A3GALT2: variants seen among roughly 807,000 people sequenced by gnomAD.
The protein encoded by A3GALT2 is alpha-1,3-galactosyltransferase 2.
A3GALT2 carries 14 observed loss-of-function variants against 16.6 expected under a neutral mutation model. The ratio of observed to expected loss-of-function variants is 0.84; its 90% CI spans 0.56 to 1.32. A3GALT2 has a LOEUF of 1.32. A3GALT2 is among the 40% of genes most tolerant of loss of function. A3GALT2 has a pLI of 0.00. For synonymous variants in A3GALT2, 253 were observed against 218.0 expected (o/e 1.16, Z -1.42); for missense variants, 600 against 490.9 (o/e 1.22, Z -2.10).
At chr1:33,318,577 A>G (rs965922490) in intron 1 of A3GALT2, among the ~76,000 whole-genome samples, 5 of 152,022 alleles carry the variant, frequency 3.3e-5, no homozygotes, top group Admixed American at 1.3e-4. Flanking sequence ...GGATTCCTAT[A>G]ACAGCCTCCT....
At chr1:33,317,475 G>A (rs1317263636) in intron 1 of A3GALT2, among the ~76,000 whole-genome samples, 2 of 152,100 alleles carry the variant, frequency 1.3e-5, no homozygotes, top group Non-Finnish European at 2.9e-5. Context: ...TTATTTTGTG[G>A]TTTCCTGCTG....
rs768188872 is a variant in A3GALT2, at chr1:33,307,233, C to T, written c.556G>A (p.Gly186Arg). The change falls in exon 5 of 5, where the codon GGG (glycine) becomes AGG (arginine). Residue 186 changes from glycine (G) to arginine (R), a missense_variant. Physicochemically the swap from Gly to Arg is moderately radical, Grantham distance 125. Coordinates refer to ENST00000442999, the MANE Select transcript of A3GALT2 (RefSeq NM_001080438.1). ...RMRTLHAALG[G>R]LPGREAHFMF... ...AAGTGCGCCTCGCGGCCCGGCAGCC[C>T]GCCCAGCGCCGCGTGCAACGTGCGC... The T allele has an allele frequency of 2.7e-6, 4 of 1,485,646 alleles. No individual in the cohort carries two copies. The highest frequency in any genetic ancestry group is 2.7e-6 in the Non-Finnish European group (3 of 1,118,654). 92.0% of individuals were successfully genotyped at this position (1,485,646 alleles called of 1,614,324 possible). A position where few individuals can be genotyped will look rare whatever the true frequency, so the allele number is the denominator to read the frequency against.
chr1:33,316,066 C>T (rs951366678), intron 1 of A3GALT2, among the ~76,000 whole-genome samples: 5 of 152,066 alleles, frequency 3.3e-5, no homozygotes, highest in African/African-American at 9.7e-5. Flanking sequence ...CCTGAGCCTT[C>T]GTAGATGAGG....
At chr1:33,312,294 C>G in intron 3 of A3GALT2, 105 bp from the exon 4 acceptor site, 1 of 1,493,206 alleles carries the variant, frequency 6.7e-7, no homozygotes, top group East Asian at 2.3e-5. Flanking sequence ...ACCCATAGAC[C>G]GATGAGACCT....
rs376190499 is a variant in A3GALT2 at position 33,307,418 on chromosome 1, G to T, written c.371C>A (p.Thr124Lys). 7.8e-5 allele frequency: 121 copies of T among 1,547,620 alleles called. No individual in the cohort carries two copies. In the African/African-American group the frequency reaches 1.4e-3, roughly 18 times the overall value. Residue 124 changes from threonine (T) to lysine (K), a missense_variant, in exon 5 of 5, where the codon ACG becomes AAG. Physicochemically the swap from Thr to Lys is moderately conservative, Grantham distance 78. Coordinates refer to ENST00000442999, the MANE Select transcript of A3GALT2 (RefSeq NM_001080438.1). ...GCCCGCCATGAAGTGCTGCTCCGCCGTCTCCAGGAAGCGCTCCAGGTACTT... is the reference window on the plus strand; with the variant it reads ...GCCCGCCATGAAGTGCTGCTCCGCCTTCTCCAGGAAGCGCTCCAGGTACTT... Reference protein sequence around the residue: ...LEKYLERFLETAEQHFMAGQS... With the variant: ...LEKYLERFLEKAEQHFMAGQS...
intron 1 of A3GALT2, among the ~76,000 whole-genome samples, chr1:33,317,137 C>T (rs1325863788): frequency 6.6e-6 from 1 of 152,032 alleles, no homozygotes; most frequent in East Asian, 1.9e-4. Context: ...ATCTCAGCTC[C>T]TCAAATATAA....
Position 33,307,342 on chromosome 1 carries a change from G to C in A3GALT2, c.447C>G (p.Arg149=), listed in dbSNP as rs1646200054. ...VFTELPGAVP[R]VALGPGRRLP... is the part of the protein sequence containing the mutation. ...GCCGGCGTCCCGGGCCCAGCGCCACGCGGGGCACCGCTCCCGGAAGCTCGG... is the reference window on the plus strand; with the variant it reads ...GCCGGCGTCCCGGGCCCAGCGCCACCCGGGGCACCGCTCCCGGAAGCTCGG... Residue 149 remains arginine, a synonymous_variant, in exon 5 of 5, where the codon CGC becomes CGG. Transcript: ENST00000442999. 1.3e-6 allele frequency: 2 copies of C among 1,539,184 alleles called. No individual in the cohort carries two copies. Among genetic ancestry groups the C allele is most frequent in the African/African-American group, 1.4e-5 (1 of 69,844 alleles).
In A3GALT2 at chr1:33,307,235, C is replaced by T; in HGVS notation, c.554G>A (p.Gly185Asp). 1 of 1,486,768 alleles carries T rather than the reference C, an allele frequency of 6.7e-7. No individual in the cohort carries two copies. The highest frequency in any genetic ancestry group is 1.3e-5 in the South Asian group (1 of 78,516). 92.1% of individuals were successfully genotyped at this position (1,486,768 alleles called of 1,614,324 possible). A position where few individuals can be genotyped will look rare whatever the true frequency, so the allele number is the denominator to read the frequency against. Residue 185 changes from glycine to aspartate, a missense_variant, in exon 5 of 5, where the codon GGC becomes GAC. Gly to Asp is a moderately conservative substitution (Grantham distance 94, BLOSUM62 -1). Transcript: ENST00000442999. ...GTGCGCCTCGCGGCCCGGCAGCCCGCCCAGCGCCGCGTGCAACGTGCGCAT... is the reference window on the plus strand; with the variant it reads ...GTGCGCCTCGCGGCCCGGCAGCCCGTCCAGCGCCGCGTGCAACGTGCGCAT... The part of the protein sequence containing the change: ...ARMRTLHAAL[G>D]GLPGREAHFM...
At position 33,312,823 on chromosome 1, in the gene A3GALT2, C is replaced by T; in HGVS notation, c.91G>A (p.Gly31Ser). 6.2e-7 allele frequency: 1 copy of T among 1,602,700 alleles called. No individual in the cohort carries two copies. Among genetic ancestry groups the T allele is most frequent in the Non-Finnish European group, 8.5e-7 (1 of 1,174,634 alleles). Residue 31 changes from glycine to serine, a missense_variant, in exon 2 of 5, where the codon GGC becomes AGC. Physicochemically the swap from Gly to Ser is moderately conservative, Grantham distance 56 (BLOSUM62 0). Coordinates refer to ENST00000442999, the MANE Select transcript of A3GALT2 (RefSeq NM_001080438.1). ...GGCTTTTACCTGAATTTAGGGAGGC[C>T]ATACAGAAACAGGCCTAAGAGGCCA... ...TLGLLGLFLY[G>S]LPKFRHLEAL...
At position 33,306,916 on chromosome 1, in the gene A3GALT2, CTCG is replaced by C. The variant is rs1402999270; in HGVS notation, c.870_872del (p.Asp290del). ...GCCAGAAGAACTTGTTGAGGTGGCT[CTCG>C]TCGTGCCAGCGCGCCTCCAGGCCGC... On this transcript the variant is annotated inframe_deletion, in exon 5 of 5. Coordinates refer to ENST00000442999, the MANE Select transcript of A3GALT2 (RefSeq NM_001080438.1). 1.3e-6 allele frequency: 2 copies of C among 1,520,980 alleles called. No individual in the cohort carries two copies. The highest frequency in any genetic ancestry group is 1.2e-5 in the South Asian group (1 of 81,580). The allele number at this position is 1,520,980 out of a possible 1,614,324, so 94.2% of individuals were successfully genotyped here.
chr1:33,307,151 A>G lies in A3GALT2; in HGVS notation c.638T>C (p.Leu213Pro). 6.4e-7 allele frequency: 1 copy of G among 1,553,420 alleles called. No individual in the cohort carries two copies. Among genetic ancestry groups the G allele is most frequent in the Non-Finnish European group, 8.7e-7 (1 of 1,152,960 alleles). The part of the protein sequence containing the change: ...HFSGTFGPEA[L>P]AESVAQLHSW... ...GTGCAGCTGCGCCACCGACTCGGCCAGCGCCTCGGGCCCAAAAGTGCCGCT... is the reference window on the plus strand; with the variant it reads ...GTGCAGCTGCGCCACCGACTCGGCCGGCGCCTCGGGCCCAAAAGTGCCGCT... The change falls in exon 5 of 5, where the codon CTG (leucine) becomes CCG (proline). Residue 213 changes from leucine (L) to proline (P), a missense_variant. Physicochemically the swap from Leu to Pro is moderately conservative, Grantham distance 98. Coordinates refer to ENST00000442999, the MANE Select transcript of A3GALT2 (RefSeq NM_001080438.1).
chr1:33,313,178 T>TTG (rs1646244077), intron 1 of A3GALT2: 3 of 202,554 alleles, frequency 1.5e-5, no homozygotes, highest in African/African-American at 5.9e-5. Context: ...TGACGGAGTT[T>TTG]TTTTTTTTTT....
chr1:33,315,050 C>T (rs1479158289), intron 1 of A3GALT2, among the ~76,000 whole-genome samples: 2 of 151,756 alleles, frequency 1.3e-5, no homozygotes, highest in Admixed American at 1.3e-4. Context: ...AGTTCGAGAT[C>T]AGCCCGGGCA....
rs763959244 is a variant in A3GALT2 at position 33,307,147 on chromosome 1, G to A, written c.642C>T (p.Ala214=). 3 of 1,551,952 alleles carry A rather than the reference G, an allele frequency of 1.9e-6. No homozygotes were observed. Among genetic ancestry groups the A allele is most frequent in the South Asian group, 1.2e-5 (1 of 83,366 alleles). ...AGGAGTGCAGCTGCGCCACCGACTC[G>A]GCCAGCGCCTCGGGCCCAAAAGTGC... is the stretch of plus-strand genomic sequence containing the variant. The part of the protein sequence containing the change: ...FSGTFGPEAL[A]ESVAQLHSWH... Residue 214 remains alanine (A), a synonymous_variant, in exon 5 of 5, where the codon GCC becomes GCT. Coordinates refer to ENST00000442999, the MANE Select transcript of A3GALT2 (RefSeq NM_001080438.1).
intron 1 of A3GALT2, chr1:33,313,175 G>GTTTT (rs10662364): frequency 0.011 from 966 of 90,586 alleles, 207 homozygotes; most frequent in South Asian, 0.025. Flanking sequence ...CAGTGACGGA[G>GTTTT]TTTTTTTTTT....
In A3GALT2 at chr1:33,312,509, C is replaced by T. The variant is rs773732516; in HGVS notation, c.189G>A (p.Leu63=). 1.9e-6 allele frequency: 3 copies of T among 1,595,018 alleles called. No homozygotes were observed. In the Admixed American group the frequency reaches 5.2e-5, roughly 28 times the overall value. ...SQLRDNFTGA[L]RPWARPEVLT... Reference sequence around the variant, plus strand: ...GGATGGGAGCTTCTTACCAGGGACGCAGGGCACCTGTGAAGTTGTCTCTCA... The same window carrying T: ...GGATGGGAGCTTCTTACCAGGGACGTAGGGCACCTGTGAAGTTGTCTCTCA... Residue 63 remains leucine, a synonymous_variant, in exon 3 of 5, where the codon CTG becomes CTA. Transcript: ENST00000442999.
At chr1:33,309,241 C>T (rs1646219940) in intron 4 of A3GALT2, among the ~76,000 whole-genome samples, 1 of 152,286 alleles carries the variant, frequency 6.6e-6, no homozygotes, top group African/African-American at 2.4e-5. Context: ...TTCGACAAAA[C>T]CACCACCATC....
At position 33,309,419 on chromosome 1, in the gene A3GALT2, G is replaced by A. The variant is rs552691076; in HGVS notation, c.336-1966C>T. On this transcript the variant is annotated intron_variant, in intron 4 of 4. Transcript: ENST00000442999. ...GCTGCCCCCCACCTCCCTCCCGGACGGGGCGGCTGGCCAGGCGGGGGCTGT... is the reference window on the plus strand; with the variant it reads ...GCTGCCCCCCACCTCCCTCCCGGACAGGGCGGCTGGCCAGGCGGGGGCTGT... Among the ~76,000 whole-genome samples, 126 of 150,386 alleles carry A rather than the reference G, an allele frequency of 8.4e-4. 1 individual carries two copies. The highest frequency in any genetic ancestry group is 3.5e-3 in the Middle Eastern group (1 of 282).
chr1:33,306,931 C>T lies in A3GALT2; in HGVS notation c.858G>A (p.Ala286=), dbSNP rs944098497. 29 of 1,515,056 alleles carry T rather than the reference C, an allele frequency of 1.9e-5. No individual in the cohort carries two copies. Among genetic ancestry groups the T allele is most frequent in the Non-Finnish European group, 2.5e-5 (28 of 1,138,018 alleles). The allele number at this position is 1,515,056 out of a possible 1,614,324, so 93.9% of individuals were successfully genotyped here. A position where few individuals can be genotyped will look rare whatever the true frequency, so the allele number is the denominator to read the frequency against. The change falls in exon 5 of 5, where the codon GCG becomes GCA. Residue 286 remains alanine, a synonymous_variant. Coordinates refer to ENST00000442999, the MANE Select transcript of A3GALT2 (RefSeq NM_001080438.1). The part of the protein sequence containing the change: ...LDWDRARGLE[A]RWHDESHLNK... ...TGAGGTGGCTCTCGTCGTGCCAGCGCGCCTCCAGGCCGCGCGCGCGGTCCC... is the reference window on the plus strand; with the variant it reads ...TGAGGTGGCTCTCGTCGTGCCAGCGTGCCTCCAGGCCGCGCGCGCGGTCCC...
Sources: allele counts gnomAD v4.1 joint callset (sites outside exome capture counted in the v4.1 genomes callset), GRCh38; gene constraint gnomAD v4.1.1; transcripts MANE v1.5; gene names NCBI Gene and HGNC (gene_info 2026-07-23, HGNC 2026-07-21).